Variants in SLMAP observed in about 807,000 individuals in gnomAD.
The protein encoded by SLMAP is sarcolemmal membrane-associated protein.
In SLMAP, 44 loss-of-function variants were observed where a neutral mutation model predicts 128.8. The ratio of observed to expected loss-of-function variants is 0.34; its 90% confidence interval spans 0.27 to 0.44. The LOEUF is 0.44. SLMAP is among the 20% of genes least tolerant of loss of function. SLMAP has a pLI of 1.00. For synonymous variants in SLMAP, 327 were observed against 348.8 expected (o/e 0.94, Z 0.70); for missense variants, 787 against 985.3 (o/e 0.80, Z 2.69).
chr3:57,906,300 C>CTTTTTTTTTCTTTTTTTT, intron 17 of SLMAP, among the ~76,000 whole-genome samples: 1 of 71,290 alleles, frequency 1.4e-5, no homozygotes, highest in Non-Finnish European at 2.8e-5. Flanking sequence ...AAATTTTTTT[C>CTTTTTTTTTCTTTTTTTT]TTTTTTTTTC....
rs370131585 is a variant in SLMAP, at chr3:57,810,240, G to A, written c.199-21143G>A. Among the ~76,000 whole-genome samples, 112 of 152,326 alleles carry A rather than the reference G, an allele frequency of 7.4e-4. 2 individuals are homozygous for A. Among genetic ancestry groups the A allele is most frequent in the African/African-American group, 2.5e-3 (104 of 41,574 alleles). ...CCCGCCCCACTGCAGCAGGCAGCATGCCTGTGCACAGTGGTCCGACCCCAT... is the reference window on the plus strand; with the variant it reads ...CCCGCCCCACTGCAGCAGGCAGCATACCTGTGCACAGTGGTCCGACCCCAT... On this transcript the variant is annotated intron_variant, in intron 2 of 24. Transcript: ENST00000671191.
intron 2 of SLMAP, among the ~76,000 whole-genome samples, chr3:57,807,079 C>T (rs2090037251): frequency 6.6e-6 from 1 of 152,164 alleles, no homozygotes; most frequent in Non-Finnish European, 1.5e-5. Flanking sequence ...GAGATGGTAT[C>T]TCACTGTGGT....
rs1170053416 is a variant in SLMAP, at chr3:57,862,005, G to A, written c.885G>A (p.Arg295=). The A allele has an allele frequency of 1.9e-6, 3 of 1,608,034 alleles. No individual in the cohort carries two copies. Among genetic ancestry groups the A allele is most frequent in the Non-Finnish European group, 2.6e-6 (3 of 1,174,734 alleles). The change falls in exon 10 of 25, where the codon AGG becomes AGA. Residue 295 remains arginine (R), a synonymous_variant. Transcript: ENST00000671191. The stretch of plus-strand genomic sequence containing the variant: ...CCCATCTGAAAGAAATGAATGAAAG[G>A]ACTCAGGAAGAATTAAGAGAATTAG... ...ECTHLKEMNE[R]TQEELRELAN...
intron 17 of SLMAP, among the ~76,000 whole-genome samples, chr3:57,906,460 C>T (rs1194951070): frequency 1.3e-5 from 2 of 148,220 alleles, no homozygotes; most frequent in South Asian, 2.1e-4. Context: ...GGATTACAGG[C>T]GCGCACCACC....
chr3:57,825,370 G>A (rs750160151), intron 2 of SLMAP, among the ~76,000 whole-genome samples: 4 of 151,718 alleles, frequency 2.6e-5, no homozygotes, highest in Non-Finnish European at 4.4e-5. Context: ...TTAGCTGTTG[G>A]TTTTTTATAA....
chr3:57,887,112 G>A (rs1019329866), intron 14 of SLMAP, among the ~76,000 whole-genome samples: 1 of 152,014 alleles, frequency 6.6e-6, no homozygotes, highest in Non-Finnish European at 1.5e-5. Flanking sequence ...ACACACTGAG[G>A]AATATGAAAT....
intron 16 of SLMAP, 132 bp downstream of exon 16, chr3:57,896,723 C>T: frequency 2.3e-6 from 3 of 1,283,166 alleles, no homozygotes; most frequent in Non-Finnish European, 3.2e-6. Flanking sequence ...AAGTCATCCC[C>T]TTTGAATGCT....
At chr3:57,786,887 T>C (rs1012290975) in intron 2 of SLMAP, among the ~76,000 whole-genome samples, 3 of 152,022 alleles carry the variant, frequency 2.0e-5, no homozygotes, top group East Asian at 3.9e-4. Flanking sequence ...GCGCCTGCCA[T>C]CACGCCTGGC....
In SLMAP at chr3:57,856,527, A is replaced by G. The variant is rs2094799326; in HGVS notation, c.520-1206A>G. 1.3e-5 allele frequency among the ~76,000 whole-genome samples: 2 copies of G among 152,066 alleles called. 1 individual carries two copies. The highest frequency in any genetic ancestry group is 4.2e-4 in the South Asian group (2 of 4,818). On this transcript the variant is annotated intron_variant, in intron 6 of 24. Transcript: ENST00000671191. ...CAGTATCAAGATCATCATTATCACT[A>G]TTTTCCACCTCCACATCATATCCCA...
At chr3:57,860,414 A>T (rs1050783765) in intron 8 of SLMAP, among the ~76,000 whole-genome samples, 4 of 152,214 alleles carry the variant, frequency 2.6e-5, no homozygotes, top group African/African-American at 9.6e-5. Flanking sequence ...GCTTGCAGAA[A>T]ATATGACAAA....
chr3:57,900,958 T>C (rs1156389600), intron 17 of SLMAP: 2 of 152,220 alleles, frequency 1.3e-5, no homozygotes, highest in East Asian at 3.9e-4. Context: ...GATGCACCAG[T>C]ATGATAAGGC....
intron 2 of SLMAP, among the ~76,000 whole-genome samples, chr3:57,820,403 A>G (rs2092391523): frequency 6.6e-6 from 1 of 152,086 alleles, no homozygotes; most frequent in African/African-American, 2.4e-5. Context: ...GCTGTGATTA[A>G]CACACCCCGA....
At position 57,861,811 on chromosome 3, in the gene SLMAP, CTTTA is replaced by C. The variant is rs376013130; in HGVS notation, c.829-133_829-130del. On this transcript the variant is annotated intron_variant, in intron 9 of 24. Coordinates refer to ENST00000671191, the MANE Select transcript of SLMAP (RefSeq NM_001377540.1). ...GAAATTCTTATGTTATTTGACTCAG[CTTTA>C]TTTAAAGTCCAGGGCAGATGTTGAT... 7.4e-4 allele frequency: 475 copies of C among 640,088 alleles called. 4 individuals carry two copies. In the East Asian group the frequency reaches 0.014, roughly 18 times the overall value. 39.7% of individuals were successfully genotyped at this position (640,088 alleles called of 1,614,324 possible).
intron 15 of SLMAP, among the ~76,000 whole-genome samples, chr3:57,895,083 G>A (rs2096204840): frequency 6.6e-6 from 1 of 151,568 alleles, no homozygotes; most frequent in Non-Finnish European, 1.5e-5. Flanking sequence ...TTGAGCCCAG[G>A]AGTTCAAGAC....
intron 2 of SLMAP, among the ~76,000 whole-genome samples, chr3:57,824,881 A>C (rs545244866): frequency 1.3e-5 from 2 of 152,334 alleles, no homozygotes; most frequent in Admixed American, 1.3e-4. Context: ...CTTCCAGTCC[A>C]TGAACATGGG....
chr3:57,819,505 T>G (rs1446160076), intron 2 of SLMAP, among the ~76,000 whole-genome samples: 1 of 152,186 alleles, frequency 6.6e-6, no homozygotes, highest in Non-Finnish European at 1.5e-5. Flanking sequence ...ATAAGATGCA[T>G]AGTCCTATGA....
chr3:57,772,892 G>C (rs1258535485), intron 2 of SLMAP, among the ~76,000 whole-genome samples: 3 of 151,894 alleles, frequency 2.0e-5, no homozygotes, highest in African/African-American at 7.3e-5. Context: ...CGCCCGCCTC[G>C]GCCTCCCAAA....
chr3:57,799,768 T>C (rs1045001130), intron 2 of SLMAP, among the ~76,000 whole-genome samples: 1 of 152,204 alleles, frequency 6.6e-6, no homozygotes, highest in African/African-American at 2.4e-5. Context: ...CTTTTAAAAC[T>C]TTATTTTATG....
At chr3:57,759,940 A>T (rs911043700) in intron 2 of SLMAP, among the ~76,000 whole-genome samples, 1 of 152,046 alleles carries the variant, frequency 6.6e-6, no homozygotes, top group Non-Finnish European at 1.5e-5. Context: ...TGACATGTTA[A>T]TATTTGTTTT....
Sources: gnomAD v4.1 joint callset for allele counts (sites outside exome capture counted in the v4.1 genomes callset) on GRCh38, gnomAD v4.1.1 for gene constraint, MANE v1.5 for transcripts, NCBI Gene and HGNC (gene_info 2026-07-23, HGNC 2026-07-21) for gene names.